Variants in PKIB observed in about 807,000 individuals in gnomAD.
The protein encoded by PKIB is cAMP-dependent protein kinase inhibitor beta.
A neutral mutation model predicts 4.5 loss-of-function variants in PKIB; 2 were observed. The ratio of observed to expected loss-of-function variants is 0.44; its 90% CI spans 0.18 to 1.39. The LOEUF is 1.39. PKIB is among the 40% of genes most tolerant of loss of function. The pLI, the probability that PKIB is intolerant of heterozygous loss-of-function variation, is 0.27. For missense variants in PKIB, 94 were observed against 92.6 expected, an observed-to-expected ratio of 1.02 and a Z score of -0.06; for synonymous variants, 38 against 36.0, an observed-to-expected ratio of 1.06 and a Z score of -0.20.
In PKIB at chr6:122,583,875, C is replaced by T. The variant is rs969852434; in HGVS notation, c.-247-2046C>T. Among the ~76,000 whole-genome samples, 93 of 152,174 alleles carry T rather than the reference C, an allele frequency of 6.1e-4. 2 individuals are homozygous for T. The highest frequency in any genetic ancestry group is 4.6e-4 in the Non-Finnish European group (31 of 67,978). ...CCAACTGTTAGGCTTGTCAGACTTC[C>T]TTTTTTATGCTGGGCTATGCCCCTT... On this transcript the variant is annotated intron_variant, in intron 2 of 6. Coordinates refer to the PKIB transcript ENST00000392491.
chr6:122,506,860 C>T (rs909916700), intron 2 of PKIB, among the ~76,000 whole-genome samples: 9 of 151,000 alleles, frequency 6.0e-5, no homozygotes, highest in South Asian at 2.1e-4. Flanking sequence ...CCATCACGCC[C>T]GGCTAATTTT....
chr6:122,580,902 C>T (rs1311507295), intron 2 of PKIB, among the ~76,000 whole-genome samples: 2 of 152,110 alleles, frequency 1.3e-5, no homozygotes, highest in East Asian at 3.8e-4. Context: ...CTCTAGAAAA[C>T]ATGTGAGTCA....
At chr6:122,541,942 A>G (rs1421830659) in intron 2 of PKIB, among the ~76,000 whole-genome samples, 1 of 151,926 alleles carries the variant, frequency 6.6e-6, no homozygotes, top group Non-Finnish European at 1.5e-5. Flanking sequence ...TTCGTCTTCT[A>G]TCACTGAGAC....
intron 2 of PKIB, among the ~76,000 whole-genome samples, chr6:122,659,887 AC>A (rs913438607): frequency 6.6e-6 from 1 of 152,194 alleles, no homozygotes; most frequent in Admixed American, 6.5e-5. Context: ...TGGAAAAAAA[AC>A]AAGGAACTTT....
chr6:122,717,591 A>C, intron 3 of PKIB, 196 bp from the exon 4 acceptor site: 1 of 541,778 alleles, frequency 1.8e-6, no homozygotes, highest in East Asian at 3.0e-5. Context: ...GCTCACACTG[A>C]GGGCTTCCTG....
At chr6:122,698,194 C>T (rs892543604) in intron 3 of PKIB, among the ~76,000 whole-genome samples, 9 of 152,070 alleles carry the variant, frequency 5.9e-5, no homozygotes, top group African/African-American at 1.2e-4. Context: ...AATGTATGGC[C>T]TTCTATTGCC....
chr6:122,480,077 C>CT (rs1178368690), intron 2 of PKIB: 1 of 150,876 alleles, frequency 6.6e-6, no homozygotes, highest in Non-Finnish European at 1.5e-5. Flanking sequence ...GAGTCTCGCT[C>CT]TGTCACCCAG....
intron 3 of PKIB, among the ~76,000 whole-genome samples, chr6:122,588,367 G>A (rs1200422972): frequency 2.0e-5 from 3 of 151,930 alleles, no homozygotes; most frequent in Non-Finnish European, 2.9e-5. Context: ...CATTGGTCTA[G>A]ATTCAATGCC....
At chr6:122,638,166 T>TTGC (rs1775996753) in intron 2 of PKIB, among the ~76,000 whole-genome samples, 1 of 152,192 alleles carries the variant, frequency 6.6e-6, no homozygotes, top group Non-Finnish European at 1.5e-5. Context: ...CCTTCCAGAG[T>TTGC]ACTGCTGCTC....
chr6:122,497,138 G>A (rs1776094856), intron 2 of PKIB, among the ~76,000 whole-genome samples: 1 of 152,176 alleles, frequency 6.6e-6, no homozygotes, highest in African/African-American at 2.4e-5. Context: ...AGCTTCATAA[G>A]TGAAGGATAA....
intron 2 of PKIB, among the ~76,000 whole-genome samples, chr6:122,659,312 T>A (rs546809806): frequency 6.6e-6 from 1 of 152,318 alleles, no homozygotes; most frequent in East Asian, 1.9e-4. Flanking sequence ...TAGAAAGATA[T>A]TTTCAAAATT....
At chr6:122,635,041 A>T (rs965215063) in intron 2 of PKIB, among the ~76,000 whole-genome samples, 1 of 152,150 alleles carries the variant, frequency 6.6e-6, no homozygotes, top group Non-Finnish European at 1.5e-5. Flanking sequence ...TTATATTTCT[A>T]CATAAACCAC....
chr6:122,682,333 T>C (rs1374871199), intron 3 of PKIB, among the ~76,000 whole-genome samples: 1 of 152,120 alleles, frequency 6.6e-6, no homozygotes, highest in Non-Finnish European at 1.5e-5. Context: ...CCTGGTCTCC[T>C]AGGATTCTAT....
intron 2 of PKIB, chr6:122,581,633 TACAC>T (rs1232250161): frequency 6.6e-6 from 1 of 152,152 alleles, no homozygotes; most frequent in East Asian, 1.9e-4. Context: ...CATTTTCTCT[TACAC>T]AAACATAATC....
intron 2 of PKIB, among the ~76,000 whole-genome samples, chr6:122,520,276 A>G (rs1776893250): frequency 1.3e-5 from 2 of 152,184 alleles, no homozygotes; most frequent in Non-Finnish European, 1.5e-5. Flanking sequence ...TAATTGTCAT[A>G]TATCTGGCAC....
intron 2 of PKIB, among the ~76,000 whole-genome samples, chr6:122,562,814 G>GT (rs947317735): frequency 1.3e-5 from 2 of 151,058 alleles, no homozygotes; most frequent in African/African-American, 2.4e-5. Flanking sequence ...ATTTTTGATT[G>GT]TTTTTTTCCT....
At chr6:122,548,123 T>G (rs1331575766) in intron 2 of PKIB, among the ~76,000 whole-genome samples, 1 of 152,196 alleles carries the variant, frequency 6.6e-6, no homozygotes, top group Admixed American at 6.6e-5. Flanking sequence ...TACACAAGGG[T>G]AATTTAATTT....
At chr6:122,660,102 G>A (rs1776927332) in intron 2 of PKIB, among the ~76,000 whole-genome samples, 1 of 152,190 alleles carries the variant, frequency 6.6e-6, no homozygotes, top group Admixed American at 6.5e-5. Flanking sequence ...GCTAAGCACT[G>A]AATCATTTGC....
At chr6:122,499,073 A>G (rs543516993) in intron 2 of PKIB, among the ~76,000 whole-genome samples, 50 of 152,342 alleles carry the variant, frequency 3.3e-4, no homozygotes, top group African/African-American at 1.2e-3. Flanking sequence ...AGTAATTTAA[A>G]AACCTACCAA....
Sources: gnomAD v4.1 joint callset for allele counts (sites outside exome capture counted in the v4.1 genomes callset) on GRCh38, gnomAD v4.1.1 for gene constraint, MANE v1.5 for transcripts, NCBI Gene and HGNC (gene_info 2026-07-23, HGNC 2026-07-21) for gene names.